Variants in RHBDL2 observed in about 807,000 individuals in gnomAD.
RHBDL2 encodes the protein rhomboid like 2.
Under a neutral mutation model 31.7 loss-of-function variants are expected in RHBDL2, and 26 were observed. That is an observed-to-expected ratio of 0.82 (90% CI 0.60 to 1.14). The LOEUF (loss-of-function observed/expected upper bound fraction) is 1.14. Ranked by LOEUF, RHBDL2 falls within the 50% of genes most tolerant of loss-of-function variation. RHBDL2 has a pLI of 0.00. For missense variants in RHBDL2, 336 were observed against 364.4 expected (o/e 0.92, Z 0.63); for synonymous variants, 123 against 127.2 (o/e 0.97, Z 0.22).
chr1:38,928,235 A>G (rs9438995), intron 1 of RHBDL2, among the ~76,000 whole-genome samples: 143,686 of 150,268 alleles, frequency 0.96, 68,701 homozygotes, highest in African/African-American at 0.97. Flanking sequence ...TCCACCTCCC[A>G]GGTTCAAGCG....
chr1:38,894,222 G>C lies in RHBDL2; in HGVS notation c.610-998C>G, dbSNP rs528859092. Among the ~76,000 whole-genome samples, 201 of 152,102 alleles carry C rather than the reference G, an allele frequency of 1.3e-3. 1 individual carries two copies. The highest frequency in any genetic ancestry group is 3.4e-3 in the Middle Eastern group (1 of 294). ...TAAAGTGAGTCTACAACCACTAATGGGTTGCAATCCAAAGTTGAAAAAACC... is the reference window on the plus strand; with the variant it reads ...TAAAGTGAGTCTACAACCACTAATGCGTTGCAATCCAAAGTTGAAAAAACC... On this transcript the variant is annotated intron_variant, in intron 5 of 7. Transcript: ENST00000372990.
At chr1:38,892,615 G>A (rs774511918) in intron 6 of RHBDL2, among the ~76,000 whole-genome samples, 43 of 152,174 alleles carry the variant, frequency 2.8e-4, no homozygotes, top group Non-Finnish European at 5.4e-4. Flanking sequence ...TAGTGTCTGG[G>A]AAATGTGGAA....
At chr1:38,923,258 A>T (rs899926652) in intron 1 of RHBDL2, among the ~76,000 whole-genome samples, 1 of 152,232 alleles carries the variant, frequency 6.6e-6, no homozygotes, top group African/African-American at 2.4e-5. Flanking sequence ...AACCTCTAGA[A>T]ATCCACCCTT....
At chr1:38,913,550 A>G (rs1049558931) in intron 3 of RHBDL2, 3 of 142,758 alleles carry the variant, frequency 2.1e-5, no homozygotes, top group Admixed American at 7.2e-5. Flanking sequence ...AGCACTCTCT[A>G]TGTTGCCCAG....
At chr1:38,941,287 C>T (rs925008962) in intron 1 of RHBDL2, among the ~76,000 whole-genome samples, 26 of 152,216 alleles carry the variant, frequency 1.7e-4, no homozygotes, top group African/African-American at 6.0e-4. Context: ...GTGTCCAGGT[C>T]AGCAAAGGGC....
chr1:38,895,137 G>A (rs577542806), intron 5 of RHBDL2, among the ~76,000 whole-genome samples: 2 of 152,284 alleles, frequency 1.3e-5, no homozygotes, highest in South Asian at 2.1e-4. Flanking sequence ...TCTAAGCTGG[G>A]AGGATTTCTA....
At chr1:38,918,614 A>C (rs1643268859) in intron 2 of RHBDL2, among the ~76,000 whole-genome samples, 1 of 152,232 alleles carries the variant, frequency 6.6e-6, no homozygotes. Context: ...ATGCCTTACC[A>C]ACCAGCCTAA....
intron 3 of RHBDL2, among the ~76,000 whole-genome samples, chr1:38,913,903 G>A (rs1643192594): frequency 6.6e-6 from 1 of 152,106 alleles, no homozygotes; most frequent in African/African-American, 2.4e-5. Flanking sequence ...CGGATCACAA[G>A]GTCAGGAGAT....
At chr1:38,921,917 C>G (rs193182662) in intron 1 of RHBDL2, among the ~76,000 whole-genome samples, 5 of 152,288 alleles carry the variant, frequency 3.3e-5, no homozygotes, top group Admixed American at 3.3e-4. Flanking sequence ...TTGTATAAAT[C>G]AGCCTTTTTG....
At chr1:38,912,910 A>ATATATATATATATATATATATGTG (rs1399583863) in intron 3 of RHBDL2, among the ~76,000 whole-genome samples, 1 of 41,372 alleles carries the variant, frequency 2.4e-5, no homozygotes, top group African/African-American at 9.2e-5. Context: ...ATATATATAT[A>ATATATATATATATATATATATGTG]TGTGTGTGTG....
chr1:38,887,860 G>T, intron 7 of RHBDL2, 103 bp downstream of exon 7: 1 of 782,722 alleles, frequency 1.3e-6, no homozygotes, highest in Non-Finnish European at 2.1e-6. Flanking sequence ...ACTTCCAAAT[G>T]GAAATTTGGC....
intron 4 of RHBDL2, among the ~76,000 whole-genome samples, chr1:38,897,406 T>C (rs1396679520): frequency 1.3e-5 from 2 of 152,028 alleles, no homozygotes; most frequent in African/African-American, 4.8e-5. Flanking sequence ...GGCCTAAACT[T>C]TGAAGAATCT....
In RHBDL2 at chr1:38,911,438, C is replaced by A. The variant is rs1413410078; in HGVS notation, c.396-4G>T. On this transcript the variant is annotated splice_polypyrimidine_tract_variant and splice_region_variant and intron_variant, in intron 3 of 7. Transcript: ENST00000372990. The stretch of plus-strand genomic sequence containing the variant: ...ATTCCCCAAGATGTGCTGAACTCTG[C>A]AAAGACAAACAATAGTTGTCAAATA... 1 of 1,581,342 alleles carries A rather than the reference C, an allele frequency of 6.3e-7. No individual in the cohort carries two copies.
intron 1 of RHBDL2, among the ~76,000 whole-genome samples, chr1:38,936,560 C>T (rs12096854): frequency 0.044 from 6,511 of 149,406 alleles, 468 homozygotes; most frequent in African/African-American, 0.15. Flanking sequence ...AGTGCAATGG[C>T]GCGATCTCAG....
At chr1:38,909,844 A>G (rs1228522007) in intron 4 of RHBDL2, among the ~76,000 whole-genome samples, 2 of 152,208 alleles carry the variant, frequency 1.3e-5, no homozygotes, top group African/African-American at 4.8e-5. Flanking sequence ...ATCCTAGAAA[A>G]CTGAAAACTC....
chr1:38,915,862 A>G (rs998716101), intron 2 of RHBDL2, 152 bp from the exon 3 acceptor site: 1 of 683,428 alleles, frequency 1.5e-6, no homozygotes, highest in Non-Finnish European at 2.5e-6. Context: ...CTTCTTCACC[A>G]TCCCCTCTGT....
intron 4 of RHBDL2, among the ~76,000 whole-genome samples, chr1:38,900,329 A>G (rs1642973581): frequency 6.6e-6 from 1 of 152,180 alleles, no homozygotes; most frequent in Admixed American, 6.5e-5. Flanking sequence ...CTGAGACACA[A>G]GAACCCCCTG....
chr1:38,907,320 A>G (rs1643079835), intron 4 of RHBDL2, among the ~76,000 whole-genome samples: 1 of 152,040 alleles, frequency 6.6e-6, no homozygotes, highest in South Asian at 2.1e-4. Flanking sequence ...CAGGCAGATC[A>G]CCTGAGGTCA....
At chr1:38,914,538 G>T (rs935339794) in intron 3 of RHBDL2, among the ~76,000 whole-genome samples, 1 of 151,684 alleles carries the variant, frequency 6.6e-6, no homozygotes, top group Non-Finnish European at 1.5e-5. Context: ...CACTGTGCCC[G>T]GCCATGAACT....
Sources: allele counts gnomAD v4.1 joint callset (sites outside exome capture counted in the v4.1 genomes callset), GRCh38; gene constraint gnomAD v4.1.1; transcripts MANE v1.5; gene names NCBI Gene and HGNC (gene_info 2026-07-23, HGNC 2026-07-21).